The following METTL16 variants were observed in gnomAD, a reference collection of about 807,000 sequenced individuals.
The protein encoded by METTL16 is RNA N(6)-adenosine-methyltransferase METTL16.
METTL16 carries 19 observed loss-of-function variants against 57.9 expected under a neutral mutation model. The observed-to-expected ratio is 0.33, with a 90% confidence interval of 0.23 to 0.48. The LOEUF (loss-of-function observed/expected upper bound fraction) is 0.48, where lower values mean the gene tolerates loss of function less well. Among genes scored for constraint, METTL16 ranks in the 20% least tolerant of loss-of-function variants. The probability of loss-of-function intolerance (pLI) is 0.99; values close to 1 mark genes in which losing one functional copy is unlikely to be tolerated. For synonymous variants in METTL16, 246 were observed against 255.6 expected (o/e 0.96, Z 0.36); for missense variants, 434 against 691.5 (o/e 0.63, Z 4.18).
At chr17:2,422,113 A>G (rs1293369766) in intron 8 of METTL16, among the ~76,000 whole-genome samples, 1 of 152,070 alleles carries the variant, frequency 6.6e-6, no homozygotes, top group African/African-American at 2.4e-5. Context: ...GGAGTTCAAG[A>G]CCATCCTGGC....
chr17:2,468,902 T>G (rs986229323), intron 4 of METTL16, among the ~76,000 whole-genome samples: 7 of 139,172 alleles, frequency 5.0e-5, no homozygotes, highest in East Asian at 1.9e-4. Flanking sequence ...AAAAAAATGT[T>G]TTTTTTTTGT....
chr17:2,423,059 T>A (rs2066779482), intron 8 of METTL16, among the ~76,000 whole-genome samples: 1 of 152,104 alleles, frequency 6.6e-6, no homozygotes, highest in Non-Finnish European at 1.5e-5. Context: ...CTAAAAGGAA[T>A]CTGACGACTG....
At chr17:2,442,994 A>AT (rs2066965292) in intron 6 of METTL16, among the ~76,000 whole-genome samples, 1 of 150,204 alleles carries the variant, frequency 6.7e-6, no homozygotes, top group East Asian at 2.0e-4. Flanking sequence ...CGCCCAACTA[A>AT]TTTTTTTGTT....
chr17:2,464,477 G>A (rs1288830710), intron 5 of METTL16, 127 bp from the exon 6 acceptor site: 2 of 841,382 alleles, frequency 2.4e-6, no homozygotes, highest in Non-Finnish European at 3.4e-6. Context: ...GCTAGATTTA[G>A]GATTTTAAAA....
At chr17:2,488,127 T>C (rs1007579112) in intron 2 of METTL16, among the ~76,000 whole-genome samples, 3 of 151,920 alleles carry the variant, frequency 2.0e-5, no homozygotes, top group East Asian at 1.9e-4. Flanking sequence ...CAAAAAGATA[T>C]CTGCACACCC....
intron 3 of METTL16, among the ~76,000 whole-genome samples, chr17:2,474,083 T>C (rs1330542255): frequency 6.6e-6 from 1 of 152,064 alleles, no homozygotes; most frequent in Non-Finnish European, 1.5e-5. Context: ...TTTCGTGTGT[T>C]GTATAAAAAA....
chr17:2,474,386 GAAA>G lies in METTL16; in HGVS notation c.329-725_329-723del, dbSNP rs752477163. 7.1e-3 allele frequency among the ~76,000 whole-genome samples: 427 copies of G among 60,262 alleles called. 2 individuals are homozygous for G. The highest frequency in any genetic ancestry group is 0.017 in the African/African-American group (402 of 23,262). 39.5% of individuals were successfully genotyped at this position (60,262 alleles called of 152,430 possible). ...AGTTGTCAGCTGAAAGAAACAAAAAGAAAAAAAAAAAAAAAAAAAAAGCTAAAC... is the reference window on the plus strand; with the variant it reads ...AGTTGTCAGCTGAAAGAAACAAAAAGAAAAAAAAAAAAAAAAAAGCTAAAC... On this transcript the variant is annotated intron_variant, in intron 3 of 9. Coordinates refer to ENST00000263092, the MANE Select transcript of METTL16 (RefSeq NM_024086.4).
intron 2 of METTL16, among the ~76,000 whole-genome samples, chr17:2,481,520 C>T (rs1027872764): frequency 7.2e-5 from 11 of 151,970 alleles, no homozygotes; most frequent in African/African-American, 2.7e-4. Context: ...AGAGAGTGGC[C>T]ATGGTTGTAC....
intron 6 of METTL16, among the ~76,000 whole-genome samples, chr17:2,447,734 G>A (rs1225855866): frequency 2.2e-5 from 3 of 136,936 alleles, no homozygotes; most frequent in Non-Finnish European, 3.2e-5. Context: ...CCGGCCAGCC[G>A]CCCAGTCCGG....
intron 1 of METTL16, among the ~76,000 whole-genome samples, chr17:2,505,550 G>A (rs1019306567): frequency 6.6e-6 from 1 of 151,492 alleles, no homozygotes; most frequent in Non-Finnish European, 1.5e-5. Flanking sequence ...CGCCCGGCCA[G>A]AACAGCCTTT....
intron 1 of METTL16, among the ~76,000 whole-genome samples, chr17:2,506,663 T>C (rs918560754): frequency 4.6e-5 from 7 of 152,102 alleles, no homozygotes; most frequent in African/African-American, 9.7e-5. Flanking sequence ...CTGCCTGCCT[T>C]GGCCCCGCAA....
At chr17:2,428,365 T>G (rs553260598) in intron 8 of METTL16, among the ~76,000 whole-genome samples, 1 of 151,214 alleles carries the variant, frequency 6.6e-6, no homozygotes, top group African/African-American at 2.4e-5. Flanking sequence ...ACGAGCCAAG[T>G]TGAATAAATT....
intron 8 of METTL16, among the ~76,000 whole-genome samples, chr17:2,433,591 C>T (rs2066889948): frequency 2.0e-5 from 3 of 152,184 alleles, no homozygotes; most frequent in Admixed American, 2.0e-4. Flanking sequence ...TGAAATCAGA[C>T]TCATCTGGGT....
chr17:2,463,101 GGTTA>G (rs2067162137), intron 6 of METTL16, among the ~76,000 whole-genome samples: 2 of 152,284 alleles, frequency 1.3e-5, no homozygotes, highest in Admixed American at 1.3e-4. Context: ...CTCTGCAACT[GGTTA>G]GTGATCTCAG....
At chr17:2,440,109 T>C (rs956127710) in intron 7 of METTL16, among the ~76,000 whole-genome samples, 2 of 152,152 alleles carry the variant, frequency 1.3e-5, no homozygotes, top group African/African-American at 4.8e-5. Flanking sequence ...ATTTAAAAAT[T>C]AGCTGGGCGT....
intron 1 of METTL16, among the ~76,000 whole-genome samples, chr17:2,503,290 A>C (rs1330470665): frequency 6.6e-6 from 1 of 152,192 alleles, no homozygotes; most frequent in African/African-American, 2.4e-5. Context: ...TCCATACCCT[A>C]AATATGGATC....
At chr17:2,466,191 C>CAT (rs1491401034) in intron 5 of METTL16, among the ~76,000 whole-genome samples, 2 of 64,468 alleles carry the variant, frequency 3.1e-5, no homozygotes, top group Admixed American at 1.8e-4. Flanking sequence ...AAGACTCTGT[C>CAT]ACAAAAAAAA....
chr17:2,467,423 T>C (rs1423958250), intron 5 of METTL16, among the ~76,000 whole-genome samples: 1 of 152,104 alleles, frequency 6.6e-6, no homozygotes, highest in Non-Finnish European at 1.5e-5. Flanking sequence ...ATAAGGCAAA[T>C]TTAGATTTTT....
chr17:2,436,302 T>A lies in METTL16; in HGVS notation c.888+1807A>T, dbSNP rs1349726902. On this transcript the variant is annotated intron_variant, in intron 8 of 9. Coordinates refer to ENST00000263092, the MANE Select transcript of METTL16 (RefSeq NM_024086.4). ...AGAGACTATTTCAAACACAAACCTC[T>A]AGATAACTTACTGCACTGTCCAGGA... Among the ~76,000 whole-genome samples, 3 of 152,170 alleles carry A rather than the reference T, an allele frequency of 2.0e-5. No homozygotes were observed. In the East Asian group the frequency reaches 5.8e-4, roughly 29 times the overall value.
Sources: gnomAD v4.1 joint callset for allele counts (sites outside exome capture counted in the v4.1 genomes callset) on GRCh38, gnomAD v4.1.1 for gene constraint, MANE v1.5 for transcripts, NCBI Gene and HGNC (gene_info 2026-07-23, HGNC 2026-07-21) for gene names.